The following ZNF385D variants were observed in gnomAD, a reference collection of about 807,000 sequenced individuals.
The protein encoded by ZNF385D is zinc finger protein 659.
In ZNF385D, 15 loss-of-function variants were observed where a neutral mutation model predicts 35.8. That is an observed-to-expected ratio of 0.42 (90% CI 0.28 to 0.64). ZNF385D has a LOEUF of 0.64. Ranked by LOEUF, ZNF385D falls within the 30% of genes least tolerant of loss-of-function variation. The pLI is 0.23. For synonymous variants in ZNF385D, 212 were observed against 186.8 expected (o/e 1.13, Z -1.10); for missense variants, 474 against 494.6 (o/e 0.96, Z 0.39).
At chr3:22,041,688 C>A (rs990600671) in intron 3 of ZNF385D, among the ~76,000 whole-genome samples, 1 of 151,892 alleles carries the variant, frequency 6.6e-6, no homozygotes, top group Non-Finnish European at 1.5e-5. Context: ...TATTGATCTG[C>A]ACTTAACTGA....
At chr3:22,138,024 T>G (rs1704259738) in intron 3 of ZNF385D, among the ~76,000 whole-genome samples, 1 of 151,852 alleles carries the variant, frequency 6.6e-6, no homozygotes, top group African/African-American at 2.4e-5. Context: ...TATACACCAA[T>G]AACAGACAGA....
At chr3:21,984,365 G>T (rs1478955488) in intron 3 of ZNF385D, among the ~76,000 whole-genome samples, 2 of 123,662 alleles carry the variant, frequency 1.6e-5, no homozygotes, top group Admixed American at 7.8e-5. Flanking sequence ...AAGGGATCCA[G>T]TTTCAGCTTT....
In ZNF385D at chr3:21,905,105, G is replaced by A. The variant is rs142404130; in HGVS notation, c.326-240077C>T. ...TTCAGGGAAATAATGATATGTATTA[G>A]AGATTATGACATTATAGAATCTTGG... is the stretch of plus-strand genomic sequence containing the variant. On this transcript the variant is annotated intron_variant, in intron 3 of 5. Transcript: ENST00000494108. Among the ~76,000 whole-genome samples, 4 of 144,718 alleles carry A rather than the reference G, an allele frequency of 2.8e-5. No homozygotes were observed. In the East Asian group the frequency reaches 8.4e-4, roughly 30 times the overall value. The allele number at this position is 144,718 out of a possible 152,430, so 94.9% of individuals were successfully genotyped here.
At chr3:21,621,725 A>G (rs1412391342) in intron 2 of ZNF385D, among the ~76,000 whole-genome samples, 1 of 152,078 alleles carries the variant, frequency 6.6e-6, no homozygotes, top group African/African-American at 2.4e-5. Context: ...GCTACTAAGG[A>G]AAAATGAATG....
chr3:22,101,990 C>T (rs1453836506), intron 3 of ZNF385D, among the ~76,000 whole-genome samples: 1 of 151,126 alleles, frequency 6.6e-6, no homozygotes, highest in Non-Finnish European at 1.5e-5. Context: ...TACTCCCTTT[C>T]CATTGCGCCA....
intron 3 of ZNF385D, among the ~76,000 whole-genome samples, chr3:21,513,060 T>C (rs762114591): frequency 7.2e-5 from 11 of 152,136 alleles, no homozygotes; most frequent in Non-Finnish European, 1.3e-4. Flanking sequence ...AGACATTTCA[T>C]AGGTTCCTAA....
intron 1 of ZNF385D, among the ~76,000 whole-genome samples, chr3:21,728,712 T>C (rs1490167282): frequency 6.6e-6 from 1 of 152,156 alleles, no homozygotes; most frequent in African/African-American, 2.4e-5. Context: ...ACTCAGCTAG[T>C]GAGGGGCAGA....
intron 1 of ZNF385D, among the ~76,000 whole-genome samples, chr3:21,675,019 C>T (rs1397511558): frequency 6.6e-6 from 1 of 151,972 alleles, no homozygotes; most frequent in African/African-American, 2.4e-5. Flanking sequence ...ATATTGTACC[C>T]ATTTTTTTAT....
intron 3 of ZNF385D, among the ~76,000 whole-genome samples, chr3:21,911,155 G>C (rs1285919636): frequency 2.0e-5 from 3 of 151,864 alleles, no homozygotes; most frequent in African/African-American, 7.2e-5. Context: ...TCTGTAAATA[G>C]TGACTTCTAA....
intron 3 of ZNF385D, among the ~76,000 whole-genome samples, chr3:21,959,294 T>G (rs1211178773): frequency 6.6e-6 from 1 of 152,048 alleles, no homozygotes; most frequent in Non-Finnish European, 1.5e-5. Context: ...CAAAATGCAC[T>G]GGCAAATAAA....
At chr3:22,002,389 C>A (rs894187208) in intron 3 of ZNF385D, among the ~76,000 whole-genome samples, 1 of 152,030 alleles carries the variant, frequency 6.6e-6, no homozygotes, top group African/African-American at 2.4e-5. Flanking sequence ...ACAACTGAAG[C>A]AGGAATGAAC....
At chr3:22,129,463 G>C (rs1326754992) in intron 3 of ZNF385D, among the ~76,000 whole-genome samples, 1 of 152,060 alleles carries the variant, frequency 6.6e-6, no homozygotes, top group Admixed American at 6.6e-5. Flanking sequence ...CCCTCCATGA[G>C]CTAGGGACTG....
At chr3:21,809,929 T>A (rs2072836236) in intron 3 of ZNF385D, among the ~76,000 whole-genome samples, 1 of 152,144 alleles carries the variant, frequency 6.6e-6, no homozygotes, top group Non-Finnish European at 1.5e-5. Context: ...TCTCTAGGCA[T>A]AAATTGTTTC....
chr3:21,671,809 CTTGTGAAGG>C (rs2066585152), intron 1 of ZNF385D, among the ~76,000 whole-genome samples: 1 of 152,066 alleles, frequency 6.6e-6, no homozygotes, highest in Non-Finnish European at 1.5e-5. Flanking sequence ...GGTCACATTC[CTTGTGAAGG>C]AATATTCAGT....
In ZNF385D at chr3:21,883,648, C is replaced by T. The variant is rs259558; in HGVS notation, c.326-218620G>A. On this transcript the variant is annotated intron_variant, in intron 3 of 5. Transcript: ENST00000494108. ...AATTTGCTGGAAATGATGAGAAATG[C>T]GTTTTGTTGATGCACGATGCTGCCT... is the stretch of plus-strand genomic sequence containing the variant. 1.1e-4 allele frequency among the ~76,000 whole-genome samples: 16 copies of T among 152,038 alleles called. No individual in the cohort carries two copies. The East Asian group carries it at 1.9e-3, about 18-fold the overall frequency.
At chr3:22,070,621 A>G (rs1014699085) in intron 3 of ZNF385D, among the ~76,000 whole-genome samples, 3 of 152,154 alleles carry the variant, frequency 2.0e-5, no homozygotes, top group African/African-American at 7.2e-5. Flanking sequence ...CTAGTCATAG[A>G]AAGTACTATA....
Position 21,820,504 on chromosome 3 carries a change from A to G in ZNF385D, c.326-155476T>C, listed in dbSNP as rs368379124. 5.8e-4 allele frequency among the ~76,000 whole-genome samples: 88 copies of G among 151,966 alleles called. No individual in the cohort carries two copies. In the South Asian group the frequency reaches 0.016, roughly 27 times the overall value. On this transcript the variant is annotated intron_variant, in intron 3 of 5. Coordinates refer to the ZNF385D transcript ENST00000494108. The stretch of plus-strand genomic sequence containing the variant: ...TGTCGCAGAAATGCTTGTATTTTAA[A>G]AAACTAAATAAGCTATGATTTAGAT...
intron 3 of ZNF385D, among the ~76,000 whole-genome samples, chr3:22,072,430 T>C (rs900082665): frequency 2.6e-5 from 4 of 152,068 alleles, no homozygotes; most frequent in Non-Finnish European, 4.4e-5. Flanking sequence ...AATGAAGCAC[T>C]CTCTAAACAA....
rs567349624 is a variant in ZNF385D at position 22,073,318 on chromosome 3, GAAAC to G, written c.325+95495_325+95498del. ...GTTAAAATTAGTTTTATATGAAAAA[GAAAC>G]AGACAGTGAAAAAAAAAAAAAGGAA... is the stretch of plus-strand genomic sequence containing the variant. On this transcript the variant is annotated intron_variant, in intron 3 of 5. Transcript: ENST00000494108. Among the ~76,000 whole-genome samples, 582 of 145,378 alleles carry G rather than the reference GAAAC, an allele frequency of 4.0e-3. 2 individuals carry two copies. Among genetic ancestry groups the G allele is most frequent in the South Asian group, 0.022 (103 of 4,642 alleles).
Sources: allele counts gnomAD v4.1 joint callset (sites outside exome capture counted in the v4.1 genomes callset), GRCh38; gene constraint gnomAD v4.1.1; transcripts MANE v1.5; gene names NCBI Gene and HGNC (gene_info 2026-07-23, HGNC 2026-07-21).